The following CD34 variants were observed in gnomAD, a reference collection of about 807,000 sequenced individuals.
CD34 encodes the protein hematopoietic progenitor cell antigen CD34.
A neutral mutation model predicts 40.1 loss-of-function variants in CD34; 34 were observed. That is an observed-to-expected ratio of 0.85 (90% confidence interval 0.65 to 1.13). CD34 has a LOEUF of 1.13. Among genes scored for constraint, CD34 ranks in the 50% most tolerant of loss-of-function variants. CD34 has a pLI of 0.00. For synonymous variants in CD34, 209 were observed against 190.0 expected (o/e 1.10, Z -0.82); for missense variants, 426 against 466.9 (o/e 0.91, Z 0.81).
At chr1:207,895,854 T>A (rs1300654044) in intron 4 of CD34, among the ~76,000 whole-genome samples, 1 of 152,210 alleles carries the variant, frequency 6.6e-6, no homozygotes, top group Non-Finnish European at 1.5e-5. Flanking sequence ...CTTGACAATT[T>A]TTTTTCTAAT....
intron 1 of CD34, among the ~76,000 whole-genome samples, chr1:207,909,816 C>T (rs776724219): frequency 6.6e-6 from 1 of 152,202 alleles, no homozygotes; most frequent in East Asian, 1.9e-4. Flanking sequence ...CCAAACAGGG[C>T]AACCCAAAAC....
intron 1 of CD34, among the ~76,000 whole-genome samples, chr1:207,910,781 A>C (rs1167501464): frequency 6.6e-6 from 1 of 152,168 alleles, no homozygotes; most frequent in African/African-American, 2.4e-5. Flanking sequence ...ACCTCGGCTA[A>C]CGCACACTCG....
chr1:207,908,559 C>A (rs1662436445), intron 1 of CD34, among the ~76,000 whole-genome samples: 1 of 152,184 alleles, frequency 6.6e-6, no homozygotes, highest in South Asian at 2.1e-4. Flanking sequence ...ACGAAGGACC[C>A]AAAGGAAGAA....
Position 207,887,173 on chromosome 1 carries a change from G to A in CD34, c.*565C>T, listed in dbSNP as rs1661918465. On this transcript the variant is annotated 3_prime_UTR_variant, in exon 8 of 8. Transcript: ENST00000310833. ...GAGCTCAGTGGAACTTAGAGAACAAGGGAGGAGCTGGTGACCAAGTCCACA... is the reference window on the plus strand; with the variant it reads ...GAGCTCAGTGGAACTTAGAGAACAAAGGAGGAGCTGGTGACCAAGTCCACA... 6.5e-6 allele frequency: 1 copy of A among 154,698 alleles called. No individual in the cohort carries two copies. Among genetic ancestry groups the A allele is most frequent in the Non-Finnish European group, 1.4e-5 (1 of 69,600 alleles). The allele number at this position is 154,698 out of a possible 1,614,324, so 9.6% of individuals were successfully genotyped here. A position where few individuals can be genotyped will look rare whatever the true frequency, so the allele number is the denominator to read the frequency against.
At chr1:207,893,780 C>CA (rs1419080926) in intron 4 of CD34, among the ~76,000 whole-genome samples, 2 of 152,044 alleles carry the variant, frequency 1.3e-5, no homozygotes, top group Non-Finnish European at 2.9e-5. Flanking sequence ...GACTTTTCCC[C>CA]AAAGAAGATA....
At chr1:207,893,608 G>A (rs749054037) in intron 4 of CD34, among the ~76,000 whole-genome samples, 16 of 152,106 alleles carry the variant, frequency 1.1e-4, no homozygotes, top group Admixed American at 3.9e-4. Context: ...TATGTTTTCC[G>A]CATGGAAACT....
rs774524122 is a variant in CD34, at chr1:207,889,429, TC to T, written c.754+35del. ...CAGGATTCTCTAACCTCAGCCCTAC[TC>T]CTTCCCTGTTCCCCCAGGCAGAGGT... On this transcript the variant is annotated intron_variant, in intron 5 of 7. Coordinates refer to ENST00000310833, the MANE Select transcript of CD34 (RefSeq NM_001025109.2). The T allele has an allele frequency of 1.3e-5, 20 of 1,589,246 alleles. No individual in the cohort carries two copies. The African/African-American group carries it at 2.4e-4, about 19-fold the overall frequency.
chr1:207,909,700 C>T (rs1247485018), intron 1 of CD34, among the ~76,000 whole-genome samples: 1 of 152,226 alleles, frequency 6.6e-6, no homozygotes, highest in Admixed American at 6.5e-5. Flanking sequence ...AGCCACTGCG[C>T]CCGGCCGACT....
intron 4 of CD34, among the ~76,000 whole-genome samples, chr1:207,894,767 G>T (rs1198261590): frequency 1.3e-5 from 2 of 152,020 alleles, no homozygotes; most frequent in African/African-American, 2.4e-5. Flanking sequence ...GATGAGAGTG[G>T]TATCACCTTC....
Position 207,881,928 on chromosome 1 carries a change from T to C in CD34, c.*5810A>G, listed in dbSNP as rs1471670207. The C allele has an allele frequency of 6.6e-6, 1 of 152,196 alleles. No individual in the cohort carries two copies. The highest frequency in any genetic ancestry group is 2.4e-5 in the African/African-American group (1 of 41,446). 9.4% of individuals were successfully genotyped at this position (152,196 alleles called of 1,614,324 possible). ...AGATGTAACTTTCAAAATCAAAAGC[T>C]CTTTGAAGTTCTAAATTTTTAAGAG... On this transcript the variant is annotated 3_prime_UTR_variant, in exon 8 of 8. Transcript: ENST00000310833.
At chr1:207,910,955 C>A (rs1662499767) in intron 1 of CD34, 47 bp downstream of exon 1, 14 of 1,528,490 alleles carry the variant, frequency 9.2e-6, no homozygotes, top group Non-Finnish European at 1.2e-5. Context: ...AGCCTCCACC[C>A]TCCCCGCGGC....
At chr1:207,888,225 CAGGGT>C in intron 7 of CD34, 2 of 1,178,094 alleles carry the variant, frequency 1.7e-6, no homozygotes, top group Non-Finnish European at 2.5e-6. Flanking sequence ...ATGACCTCCC[CAGGGT>C]AGGGGACAGG....
In CD34 at chr1:207,887,695, G is replaced by T. The variant is rs1346484309; in HGVS notation, c.*43C>A. 6.2e-7 allele frequency: 1 copy of T among 1,611,190 alleles called. No homozygotes were observed. Among genetic ancestry groups the T allele is most frequent in the Non-Finnish European group, 8.5e-7 (1 of 1,178,254 alleles). ...AGCACGTGGTCAGATGCAGAGAGGGGTGCTCTCTCGGACACTGCCCAGCCT... is the reference window on the plus strand; with the variant it reads ...AGCACGTGGTCAGATGCAGAGAGGGTTGCTCTCTCGGACACTGCCCAGCCT... On this transcript the variant is annotated 3_prime_UTR_variant, in exon 8 of 8. Coordinates refer to ENST00000310833, the MANE Select transcript of CD34 (RefSeq NM_001025109.2).
intron 4 of CD34, among the ~76,000 whole-genome samples, chr1:207,892,540 C>A (rs888509921): frequency 1.3e-5 from 2 of 151,698 alleles, no homozygotes; most frequent in African/African-American, 4.8e-5. Context: ...GATCACAACA[C>A]TACACTCTGC....
At chr1:207,901,190 G>A (rs183186628) in intron 1 of CD34, among the ~76,000 whole-genome samples, 63 of 152,172 alleles carry the variant, frequency 4.1e-4, no homozygotes, top group Non-Finnish European at 6.8e-4. Flanking sequence ...TTAGACACAG[G>A]AAGGAGAAGC....
At position 207,899,999 on chromosome 1, in the gene CD34, A is replaced by G; in HGVS notation, c.84T>C (p.Ser28=). ...CGTTGTTGTCAAGACTCATGAACCC[A>G]GAAGCTATAGGGAAACGAGGAGGAA... ...TALCLLSLLP[S]GFMSLDNNGT... is the part of the protein sequence containing the mutation. Residue 28 remains serine (S), a synonymous_variant, in exon 2 of 8, where the codon TCT becomes TCC. Coordinates refer to ENST00000310833, the MANE Select transcript of CD34 (RefSeq NM_001025109.2). 6.2e-7 allele frequency: 1 copy of G among 1,607,872 alleles called. No individual in the cohort carries two copies. Among genetic ancestry groups the G allele is most frequent in the Non-Finnish European group, 8.5e-7 (1 of 1,176,938 alleles).
chr1:207,907,265 C>G (rs1662401161), intron 1 of CD34, among the ~76,000 whole-genome samples: 1 of 152,128 alleles, frequency 6.6e-6, no homozygotes, highest in Non-Finnish European at 1.5e-5. Flanking sequence ...AGGTCTTTTC[C>G]ATCCTCCACC....
chr1:207,889,821 C>T (rs1444353301), intron 4 of CD34, 200 bp from the exon 5 acceptor site: 2 of 1,578,036 alleles, frequency 1.3e-6, no homozygotes, highest in Non-Finnish European at 1.7e-6. Flanking sequence ...AAATAATCTC[C>T]CAGGACCAAA....
In CD34 at chr1:207,881,659, CAAAAAAAAAA is replaced by C. The variant is rs58259152; in HGVS notation, c.*6069_*6078del. 1.4e-5 allele frequency: 1 copy of C among 69,002 alleles called. No homozygotes were observed. Among genetic ancestry groups the C allele is most frequent in the African/African-American group, 5.4e-5 (1 of 18,578 alleles). 4.3% of individuals were successfully genotyped at this position (69,002 alleles called of 1,614,324 possible). A position where few individuals can be genotyped will look rare whatever the true frequency, so the allele number is the denominator to read the frequency against. Reference sequence around the variant, plus strand: ...TGGGTGACAGAGCGAGACTCCGTCTCAAAAAAAAAAAAAAAAAAAAAGAATCAGCATTCTT... The same window carrying C: ...TGGGTGACAGAGCGAGACTCCGTCTCAAAAAAAAAAAGAATCAGCATTCTT... On this transcript the variant is annotated 3_prime_UTR_variant, in exon 8 of 8. Transcript: ENST00000310833.
Sources: allele counts gnomAD v4.1 joint callset (sites outside exome capture counted in the v4.1 genomes callset), GRCh38; gene constraint gnomAD v4.1.1; transcripts MANE v1.5; gene names NCBI Gene and HGNC (gene_info 2026-07-23, HGNC 2026-07-21).